CYP2C8: variants seen among roughly 807,000 people sequenced by gnomAD.
CYP2C8 encodes the protein cytochrome P450 2C8.
A neutral mutation model predicts 41.3 loss-of-function variants in CYP2C8; 51 were observed. That is an observed-to-expected ratio of 1.24 (90% confidence interval 0.99 to 1.56). The LOEUF is 1.56. Among genes scored for constraint, CYP2C8 ranks in the 40% most tolerant of loss-of-function variants. CYP2C8 has a pLI of 0.00. For missense variants in CYP2C8, 651 were observed against 579.9 expected (o/e 1.12, Z -1.26); for synonymous variants, 218 against 205.8 (o/e 1.06, Z -0.51).
chr10:95,041,813 A>T (rs1398444911), intron 7 of CYP2C8, among the ~76,000 whole-genome samples: 1 of 135,652 alleles, frequency 7.4e-6, no homozygotes, highest in Non-Finnish European at 1.6e-5. Context: ...AAAAAAAAAA[A>T]AATCTGTGCA....
chr10:95,053,476 T>C (rs2033249162), intron 5 of CYP2C8, among the ~76,000 whole-genome samples: 2 of 152,166 alleles, frequency 1.3e-5, no homozygotes, highest in Non-Finnish European at 2.9e-5. Context: ...AGTGTGTTTA[T>C]TGCAGCACTA....
At chr10:95,063,010 T>C (rs562744179) in intron 4 of CYP2C8, among the ~76,000 whole-genome samples, 1 of 152,368 alleles carries the variant, frequency 6.6e-6, no homozygotes, top group East Asian at 1.9e-4. Flanking sequence ...AGAGATCCGC[T>C]GTTAGTCTGA....
At chr10:95,038,427 A>G (rs1176786644) in intron 8 of CYP2C8, among the ~76,000 whole-genome samples, 2 of 152,142 alleles carry the variant, frequency 1.3e-5, no homozygotes, top group South Asian at 4.1e-4. Context: ...CTAAATTACA[A>G]TGACCTGTTT....
At chr10:95,046,817 T>C (rs2033118604) in intron 5 of CYP2C8, among the ~76,000 whole-genome samples, 1 of 151,860 alleles carries the variant, frequency 6.6e-6, no homozygotes, top group African/African-American at 2.4e-5. Flanking sequence ...TTATTTCTAG[T>C]CTAGCCCACT....
In CYP2C8 at chr10:95,067,636, A is replaced by T; in HGVS notation, c.224T>A (p.Val75Glu). The part of the protein sequence containing the change: ...FTVYFGMNPI[V>E]VFHGYEAVKE... ...CACTGCCTCATATCCATGAAACACC[A>T]CTATGGGATTCATGCCAAAATACAC... The change falls in exon 2 of 9, where the codon GTG (valine) becomes GAG (glutamate). Residue 75 changes from valine to glutamate, a missense_variant. By Grantham distance (121) the Val-to-Glu change is moderately radical. Coordinates refer to ENST00000371270, the MANE Select transcript of CYP2C8 (RefSeq NM_000770.3). 1 of 1,614,090 alleles carries T rather than the reference A, an allele frequency of 6.2e-7. No homozygotes were observed. The highest frequency in any genetic ancestry group is 1.1e-5 in the South Asian group (1 of 91,084).
chr10:95,049,772 G>A (rs1476613448), intron 5 of CYP2C8, among the ~76,000 whole-genome samples: 1 of 152,078 alleles, frequency 6.6e-6, no homozygotes, highest in African/African-American at 2.4e-5. Flanking sequence ...CAGCAGCTGG[G>A]GATGGGTAAG....
intron 6 of CYP2C8, among the ~76,000 whole-genome samples, chr10:95,044,342 T>C (rs540948246): frequency 6.6e-6 from 1 of 152,362 alleles, no homozygotes; most frequent in South Asian, 2.1e-4. Context: ...ATTTTATATA[T>C]GACCTGATAT....
At chr10:95,043,603 C>A (rs1180564622) in intron 6 of CYP2C8, among the ~76,000 whole-genome samples, 1 of 151,998 alleles carries the variant, frequency 6.6e-6, no homozygotes, top group African/African-American at 2.4e-5. Flanking sequence ...TTCTAAATAA[C>A]CACTATTTCT....
intron 2 of CYP2C8, 84 bp downstream of exon 2, chr10:95,067,445 C>T: frequency 1.2e-6 from 2 of 1,612,874 alleles, no homozygotes; most frequent in Non-Finnish European, 1.7e-6. Flanking sequence ...ATAGGCTAAG[C>T]TCTGCTGAGA....
intron 5 of CYP2C8, among the ~76,000 whole-genome samples, 192 bp downstream of exon 5, chr10:95,058,143 C>G (rs990217270): frequency 1.3e-5 from 2 of 152,160 alleles, no homozygotes; most frequent in African/African-American, 4.8e-5. Flanking sequence ...AGGGTCTATG[C>G]ATTCTAGCCA....
chr10:95,058,284 A>G (rs1180732526), intron 5 of CYP2C8, 51 bp downstream of exon 5: 2 of 1,609,332 alleles, frequency 1.2e-6, no homozygotes, highest in South Asian at 1.1e-5. Context: ...GATTCGATGA[A>G]TCACAAAATG....
At chr10:95,040,073 G>C (rs1472749800) in intron 7 of CYP2C8, among the ~76,000 whole-genome samples, 2 of 152,122 alleles carry the variant, frequency 1.3e-5, no homozygotes, top group African/African-American at 4.8e-5. Context: ...CTTGTTCCTT[G>C]CCTGTATAGT....
intron 8 of CYP2C8, among the ~76,000 whole-genome samples, chr10:95,037,978 G>A (rs973623814): frequency 6.6e-6 from 1 of 152,124 alleles, no homozygotes; most frequent in African/African-American, 2.4e-5. Context: ...AGATTACCAG[G>A]AATCGTAATT....
intron 3 of CYP2C8, 136 bp downstream of exon 3, chr10:95,067,072 A>T (rs2033584018): frequency 8.0e-7 from 1 of 1,243,022 alleles, no homozygotes; most frequent in South Asian, 1.2e-5. Flanking sequence ...CTGTGCTTCA[A>T]ATCTCCCTCC....
At chr10:95,064,302 G>A (rs188474852) in intron 4 of CYP2C8, among the ~76,000 whole-genome samples, 5 of 152,230 alleles carry the variant, frequency 3.3e-5, no homozygotes, top group African/African-American at 1.2e-4. Flanking sequence ...TGGTGGTTTT[G>A]TTTACCTACT....
Position 95,042,944 on chromosome 10 carries a change from A to C in CYP2C8, c.1095T>G (p.Gly365=), listed in dbSNP as rs1157464332. 6.2e-7 allele frequency: 1 copy of C among 1,614,174 alleles called. No individual in the cohort carries two copies. Among genetic ancestry groups the C allele is most frequent in the Non-Finnish European group, 8.5e-7 (1 of 1,180,000 alleles). ...TATCAGTGGTCACTGCATGGGGCACACCGGTGGGGACAAGGTCACTGTATC... is the reference window on the plus strand; with the variant it reads ...TATCAGTGGTCACTGCATGGGGCACCCCGGTGGGGACAAGGTCACTGTATC... The part of the protein sequence containing the change: ...IQRYSDLVPT[G]VPHAVTTDTK... The change falls in exon 7 of 9, where the codon GGT becomes GGG. Residue 365 remains glycine, a synonymous_variant. Coordinates refer to ENST00000371270, the MANE Select transcript of CYP2C8 (RefSeq NM_000770.3).
intron 6 of CYP2C8, among the ~76,000 whole-genome samples, chr10:95,044,674 C>T (rs1394834842): frequency 6.6e-6 from 1 of 151,918 alleles, no homozygotes; most frequent in Non-Finnish European, 1.5e-5. Flanking sequence ...TCGCCGAGTA[C>T]AGGGGTTCTT....
chr10:95,057,874 A>G (rs1232929761), intron 5 of CYP2C8, among the ~76,000 whole-genome samples: 15 of 152,102 alleles, frequency 9.9e-5, no homozygotes, highest in Admixed American at 9.8e-4. Context: ...CCTCTCCACA[A>G]ACTACTCATT....
intron 5 of CYP2C8, among the ~76,000 whole-genome samples, chr10:95,053,613 T>G (rs2033252298): frequency 6.6e-6 from 1 of 152,112 alleles, no homozygotes. Context: ...CATGTCCTTT[T>G]CAGGGACATG....
Sources: gnomAD v4.1 joint callset for allele counts (sites outside exome capture counted in the v4.1 genomes callset) on GRCh38, gnomAD v4.1.1 for gene constraint, MANE v1.5 for transcripts, NCBI Gene and HGNC (gene_info 2026-07-23, HGNC 2026-07-21) for gene names.